Variants in ACSM3 observed in about 807,000 individuals in gnomAD.
ACSM3 encodes acyl-coenzyme A synthetase ACSM3, mitochondrial.
ACSM3 carries 61 observed loss-of-function variants against 74.1 expected under a neutral mutation model. That is an observed-to-expected ratio of 0.82 (90% CI 0.67 to 1.02). ACSM3 has a LOEUF of 1.02. Among genes scored for constraint, ACSM3 ranks in the 50% least tolerant of loss-of-function variants. The pLI is 0.00. For missense variants in ACSM3, 660 were observed against 697.0 expected (o/e 0.95, Z 0.60); for synonymous variants, 213 against 241.5 (o/e 0.88, Z 1.09).
chr16:20,781,212 C>A, intron 6 of ACSM3, 82 bp downstream of exon 6: 1 of 1,489,704 alleles, frequency 6.7e-7, no homozygotes, highest in Non-Finnish European at 9.2e-7. Flanking sequence ...AAGCAACTTG[C>A]AGAGATCAGA....
Position 20,797,268 on chromosome 16 carries a change from C to T in ACSM3, c.*296C>T. ...CAGTTTCTGAACCAGATCTCTGCTA[C>T]ATAGGTTTTCAAACTTTAGTTGACT... On this transcript the variant is annotated 3_prime_UTR_variant, in exon 14 of 14. Transcript: ENST00000289416. 1 of 1,062,984 alleles carries T rather than the reference C, an allele frequency of 9.4e-7. No individual in the cohort carries two copies. The highest frequency in any genetic ancestry group is 1.1e-6 in the Non-Finnish European group (1 of 883,514). The allele number at this position is 1,062,984 out of a possible 1,614,324, so 65.8% of individuals were successfully genotyped here.
At chr16:20,725,411 A>G (rs2079801400) in intron 1 of ACSM3, 2 of 242,676 alleles carry the variant, frequency 8.2e-6, no homozygotes, top group South Asian at 7.9e-5. Context: ...CCCACCATGT[A>G]CTGGATGCTT....
At chr16:20,689,228 T>G (rs1313633861) in intron 1 of ACSM3, among the ~76,000 whole-genome samples, 1 of 151,922 alleles carries the variant, frequency 6.6e-6, no homozygotes, top group Non-Finnish European at 1.5e-5. Context: ...TTGTTATCAG[T>G]ATTAAATAGA....
rs962626571 is a variant in ACSM3, at chr16:20,790,468, AT to A, written c.1225-111del. On this transcript the variant is annotated intron_variant, in intron 9 of 13. Transcript: ENST00000289416. The surrounding 1 kb of genome is among the most constrained non-coding windows in gnomAD (Gnocchi z 4.0). The stretch of plus-strand genomic sequence containing the variant: ...TGAGACCTTGTCTCACACACACAAA[AT>A]TTTTTTTAAGTCTTCATTTTTAAAT... The A allele has an allele frequency of 2.1e-5, 20 of 965,252 alleles. No individual in the cohort carries two copies. Among genetic ancestry groups the A allele is most frequent in the African/African-American group, 8.3e-5 (5 of 60,278 alleles). The allele number at this position is 965,252 out of a possible 1,614,324, so 59.8% of individuals were successfully genotyped here.
At chr16:20,705,500 CAA>C (rs1491535700) in intron 1 of ACSM3, among the ~76,000 whole-genome samples, 7 of 151,708 alleles carry the variant, frequency 4.6e-5, no homozygotes, top group South Asian at 4.2e-4. Flanking sequence ...GGAAAAATTT[CAA>C]GAGAGAGAGA....
intron 12 of ACSM3, chr16:20,792,553 C>T (rs950775864): frequency 1.0e-5 from 10 of 985,278 alleles, no homozygotes; most frequent in Admixed American, 6.2e-5. Flanking sequence ...GCTGAAAATA[C>T]GTACTAGAAA....
At chr16:20,715,623 C>CAAAACA (rs1555480776) in intron 1 of ACSM3, among the ~76,000 whole-genome samples, 12 of 150,888 alleles carry the variant, frequency 8.0e-5, no homozygotes, top group African/African-American at 1.2e-4. Flanking sequence ...CAAAACAAAA[C>CAAAACA]AAAAAAAAAT....
chr16:20,787,963 A>C (rs1184549543), intron 9 of ACSM3, among the ~76,000 whole-genome samples: 2 of 152,208 alleles, frequency 1.3e-5, no homozygotes, highest in African/African-American at 2.4e-5. Context: ...ATAATAACAG[A>C]ACTGATTTCA....
upstream of ACSM3, chr16:20,674,488 T>C (rs1007773706): frequency 1.3e-5 from 2 of 154,078 alleles, no homozygotes; most frequent in African/African-American, 2.5e-5. Flanking sequence ...GTAACCTGAC[T>C]CTTTGTTCTG....
At chr16:20,762,240 C>T (rs66647715), upstream of ACSM3, among the ~76,000 whole-genome samples, 19,986 of 151,884 alleles carry the variant, frequency 0.13, 1,380 homozygotes, top group East Asian at 0.21. Flanking sequence ...TTCACCACTG[C>T]TAACATTATG....
At chr16:20,690,642 A>C (rs985167772) in intron 1 of ACSM3, among the ~76,000 whole-genome samples, 39 of 152,324 alleles carry the variant, frequency 2.6e-4, no homozygotes, top group African/African-American at 8.7e-4. Flanking sequence ...GTTAAGACAC[A>C]TTGTCCCATT....
chr16:20,796,225 A>T (rs1463110136), intron 12 of ACSM3, 145 bp from the exon 13 acceptor site: 3 of 1,369,538 alleles, frequency 2.2e-6, no homozygotes, highest in Non-Finnish European at 9.6e-7. Flanking sequence ...TGGCTGGCTT[A>T]AGAGCACAGA....
At chr16:20,747,718 G>A (rs551330907) in intron 1 of ACSM3, among the ~76,000 whole-genome samples, 9 of 152,334 alleles carry the variant, frequency 5.9e-5, no homozygotes, top group Admixed American at 4.6e-4. Context: ...AGTTTAATAA[G>A]TTACAGAAAG....
chr16:20,779,664 C>A (rs1209822129), intron 4 of ACSM3: 1 of 152,518 alleles, frequency 6.6e-6, no homozygotes, highest in Admixed American at 6.5e-5. Flanking sequence ...ACTCTTTCTT[C>A]CCTGGATGGA....
chr16:20,788,090 CTTTT>C (rs1214583213), intron 9 of ACSM3, among the ~76,000 whole-genome samples: 3 of 152,102 alleles, frequency 2.0e-5, no homozygotes, highest in Admixed American at 6.5e-5. Context: ...TCACATTCCT[CTTTT>C]TATTTATTTA....
At chr16:20,736,978 T>A in intron 1 of ACSM3, 1 of 1,614,098 alleles carries the variant, frequency 6.2e-7, no homozygotes, top group Non-Finnish European at 8.5e-7. Flanking sequence ...GGATTAGACG[T>A]TGGTTTTGTC....
chr16:20,737,640 G>A (rs2079881849), intron 1 of ACSM3: 1 of 1,495,732 alleles, frequency 6.7e-7, no homozygotes, highest in Non-Finnish European at 8.9e-7. Flanking sequence ...TCTTTAAAAA[G>A]AAAAAAATCC....
intron 4 of ACSM3, chr16:20,780,406 T>TA (rs2152467396): frequency 1.9e-6 from 1 of 523,194 alleles, no homozygotes; most frequent in South Asian, 2.3e-5. Context: ...ACAGACTCCT[T>TA]ACTCTGCTGG....
chr16:20,674,768 T>C (rs2020165296), exon 1 of ACSM3: 2 of 152,196 alleles, frequency 1.3e-5, no homozygotes, highest in African/African-American at 4.8e-5. Flanking sequence ...TGCCCAGCAG[T>C]GCAACTGAAC....
Sources: allele counts gnomAD v4.1 joint callset (sites outside exome capture counted in the v4.1 genomes callset), GRCh38; gene constraint gnomAD v4.1.1; non-coding constraint Gnocchi (gnomAD v3.1); transcripts MANE v1.5; gene names NCBI Gene and HGNC (gene_info 2026-07-23, HGNC 2026-07-21).